The following PPP6R3 variants were observed in gnomAD, a reference collection of about 807,000 sequenced individuals.
PPP6R3 encodes protein phosphatase 6 regulatory subunit 3.
In PPP6R3, 38 loss-of-function variants were observed where a neutral mutation model predicts 110.7. That is an observed-to-expected ratio of 0.34 (90% CI 0.26 to 0.45). PPP6R3 has a LOEUF of 0.45. Ranked by LOEUF, PPP6R3 falls within the 20% of genes least tolerant of loss-of-function variation. The pLI is 1.00. For missense variants in PPP6R3, 870 were observed against 1,062.4 expected, an observed-to-expected ratio of 0.82 and a Z score of 2.52; for synonymous variants, 369 against 373.5, an observed-to-expected ratio of 0.99 and a Z score of 0.14.
chr11:68,560,600 G>T (rs1329443368), intron 8 of PPP6R3, among the ~76,000 whole-genome samples: 1 of 152,156 alleles, frequency 6.6e-6, no homozygotes, highest in Non-Finnish European at 1.5e-5. Context: ...GGCCTAGATA[G>T]GCTCAATTGG....
At chr11:68,466,669 G>T (rs1041860584) in intron 1 of PPP6R3, among the ~76,000 whole-genome samples, 3 of 152,038 alleles carry the variant, frequency 2.0e-5, no homozygotes, top group Non-Finnish European at 4.4e-5. Flanking sequence ...CTGGAGTGCA[G>T]TGGCGCTATC....
chr11:68,471,489 A>C (rs1032431471), intron 1 of PPP6R3, among the ~76,000 whole-genome samples: 1 of 151,970 alleles, frequency 6.6e-6, no homozygotes, highest in Non-Finnish European at 1.5e-5. Context: ...AGGTCACCTG[A>C]GATAAGGACC....
chr11:68,585,448 C>G (rs150380073), intron 15 of PPP6R3, among the ~76,000 whole-genome samples: 1 of 152,324 alleles, frequency 6.6e-6, no homozygotes, highest in African/African-American at 2.4e-5. Context: ...TTCTCAGTGA[C>G]TTGAACAGTT....
chr11:68,601,232 A>C (rs1265042395), intron 20 of PPP6R3, among the ~76,000 whole-genome samples: 1 of 152,138 alleles, frequency 6.6e-6, no homozygotes, highest in African/African-American at 2.4e-5. Flanking sequence ...TCTGTTTATA[A>C]CCCGAGGATA....
chr11:68,567,185 A>G lies in PPP6R3; in HGVS notation c.1128+19A>G, dbSNP rs200702840. 7.5e-4 allele frequency: 1,142 copies of G among 1,519,040 alleles called. 2 individuals are homozygous for G. Among genetic ancestry groups the G allele is most frequent in the Admixed American group, 1.5e-3 (70 of 46,254 alleles). 94.1% of individuals were successfully genotyped at this position (1,519,040 alleles called of 1,614,324 possible). On this transcript the variant is annotated intron_variant, in intron 10 of 23. Transcript: ENST00000393800. ...CATATTGGTGAGATTTTCCCTGCTCACAGACATTTTAATTTGCCATTGATA... is the reference window on the plus strand; with the variant it reads ...CATATTGGTGAGATTTTCCCTGCTCGCAGACATTTTAATTTGCCATTGATA...
chr11:68,542,389 G>GTTTTTTTTTTGTTTTT lies in PPP6R3; in HGVS notation c.228-2439_228-2438insGTTTTTTTTTTTTTTT, dbSNP rs1555132282. Among the ~76,000 whole-genome samples the GTTTTTTTTTTGTTTTT allele has an allele frequency of 3.1e-3, 123 of 40,200 alleles. 27 individuals carry two copies. The highest frequency in any genetic ancestry group is 7.1e-3 in the East Asian group (7 of 988). 26.4% of individuals were successfully genotyped at this position (40,200 alleles called of 152,430 possible). On this transcript the variant is annotated intron_variant, in intron 3 of 23. Coordinates refer to ENST00000393800, the MANE Select transcript of PPP6R3 (RefSeq NM_001164161.2). ...ATCTTTGGGTGCTTGAGAAGCTGCT[G>GTTTTTTTTTTGTTTTT]TTTTTTTTTTTTTTTTTTTTTTAAG...
intron 8 of PPP6R3, among the ~76,000 whole-genome samples, chr11:68,563,437 C>T (rs2099436870): frequency 6.6e-6 from 1 of 152,142 alleles, no homozygotes; most frequent in South Asian, 2.1e-4. Flanking sequence ...CATTTAAGGC[C>T]CCCCTGGGTA....
At chr11:68,585,516 CA>C (rs2153832414) in intron 15 of PPP6R3, among the ~76,000 whole-genome samples, 1 of 152,332 alleles carries the variant, frequency 6.6e-6, no homozygotes, top group East Asian at 1.9e-4. Context: ...AATAATTATA[CA>C]GCTATATTGT....
At chr11:68,465,614 A>G (rs1294892320) in intron 1 of PPP6R3, among the ~76,000 whole-genome samples, 3 of 152,358 alleles carry the variant, frequency 2.0e-5, no homozygotes, top group Non-Finnish European at 2.9e-5. Context: ...TCTAATATCC[A>G]TTTATTTCAT....
intron 1 of PPP6R3, among the ~76,000 whole-genome samples, chr11:68,484,182 T>C (rs560830164): frequency 5.9e-5 from 9 of 152,340 alleles, no homozygotes; most frequent in African/African-American, 2.2e-4. Flanking sequence ...TAAATATCCG[T>C]GTGCAGGTTT....
chr11:68,484,700 G>C (rs911441161), intron 1 of PPP6R3, among the ~76,000 whole-genome samples: 1 of 151,972 alleles, frequency 6.6e-6, no homozygotes, highest in Non-Finnish European at 1.5e-5. Flanking sequence ...TGATTTTCCT[G>C]CCTCAGCCTC....
chr11:68,480,335 AAATGCCCTCAGT>A (rs1173010595), intron 1 of PPP6R3, among the ~76,000 whole-genome samples: 2 of 152,242 alleles, frequency 1.3e-5, no homozygotes, highest in African/African-American at 4.8e-5. Flanking sequence ...GAGAATGGCC[AAATGCCCTCAGT>A]ACATTTGTAG....
At chr11:68,479,853 C>G (rs933985428) in intron 1 of PPP6R3, among the ~76,000 whole-genome samples, 11 of 152,140 alleles carry the variant, frequency 7.2e-5, no homozygotes, top group Non-Finnish European at 1.2e-4. Context: ...ATCCTCCCAC[C>G]TCAGCCTCCC....
Position 68,478,647 on chromosome 11 carries a change from G to GTTTTTCTTT in PPP6R3, c.-158+17825_-158+17826insCTTTTTTTT, listed in dbSNP as rs2098860647. Among the ~76,000 whole-genome samples the GTTTTTCTTT allele has an allele frequency of 1.4e-4, 7 of 50,506 alleles. 1 individual carries two copies. Among genetic ancestry groups the GTTTTTCTTT allele is most frequent in the Non-Finnish European group, 9.4e-5 (3 of 31,752 alleles). The allele number at this position is 50,506 out of a possible 152,430, so 33.1% of individuals were successfully genotyped here. A position where few individuals can be genotyped will look rare whatever the true frequency, so the allele number is the denominator to read the frequency against. ...ACTGATGAGTTAGTGCACTTGGTAAGTTTTTTTTTTTTTTTTTTTTTTTTT... is the reference window on the plus strand; with the variant it reads ...ACTGATGAGTTAGTGCACTTGGTAAGTTTTTCTTTTTTTTTTTTTTTTTTTTTTTTTTTT... On this transcript the variant is annotated intron_variant, in intron 1 of 23. Coordinates refer to ENST00000393800, the MANE Select transcript of PPP6R3 (RefSeq NM_001164161.2).
intron 5 of PPP6R3, among the ~76,000 whole-genome samples, chr11:68,550,758 C>A (rs572999924): frequency 3.2e-4 from 49 of 152,262 alleles, no homozygotes; most frequent in Non-Finnish European, 5.9e-4. Flanking sequence ...CGTGCTCTTA[C>A]AGAAAATGTA....
At chr11:68,533,147 A>G (rs1423379190) in intron 2 of PPP6R3, among the ~76,000 whole-genome samples, 1 of 152,186 alleles carries the variant, frequency 6.6e-6, no homozygotes, top group African/African-American at 2.4e-5. Flanking sequence ...TGTAACTGTT[A>G]TTTCATACCT....
intron 1 of PPP6R3, among the ~76,000 whole-genome samples, chr11:68,466,992 T>C (rs1422885522): frequency 3.3e-5 from 5 of 152,150 alleles, no homozygotes; most frequent in Non-Finnish European, 4.4e-5. Flanking sequence ...CCGCCCGCCT[T>C]GGCCTCCCAA....
chr11:68,558,347 A>C, intron 7 of PPP6R3: 2 of 311,602 alleles, frequency 6.4e-6, no homozygotes, highest in Non-Finnish European at 1.2e-5. Context: ...AAGAGATAGA[A>C]GGGTGAGTGA....
intron 1 of PPP6R3, chr11:68,488,864 C>T (rs758663313): frequency 1.3e-5 from 2 of 152,120 alleles, no homozygotes; most frequent in Non-Finnish European, 2.9e-5. Flanking sequence ...GTGGCAACAG[C>T]TAGGTTCCTT....
Sources: gnomAD v4.1 joint callset for allele counts (sites outside exome capture counted in the v4.1 genomes callset) on GRCh38, gnomAD v4.1.1 for gene constraint, MANE v1.5 for transcripts, NCBI Gene and HGNC (gene_info 2026-07-23, HGNC 2026-07-21) for gene names.